Variants in SESN2 observed in about 807,000 individuals in gnomAD.
SESN2 encodes the protein sestrin-2.
In SESN2, 42 loss-of-function variants were observed where a neutral mutation model predicts 56.0. The observed-to-expected ratio is 0.75, with a 90% CI of 0.59 to 0.97. The LOEUF (loss-of-function observed/expected upper bound fraction) is 0.97. SESN2 is among the 50% of genes least tolerant of loss of function. SESN2 has a pLI of 0.00. For synonymous variants in SESN2, 264 were observed against 267.1 expected, an observed-to-expected ratio of 0.99 and a Z score of 0.11; for missense variants, 507 against 649.4, an observed-to-expected ratio of 0.78 and a Z score of 2.38.
chr1:28,259,979 G>A, intron 1 of SESN2, 42 bp downstream of exon 1: 1 of 1,417,466 alleles, frequency 7.1e-7, no homozygotes, highest in Admixed American at 2.2e-5. Flanking sequence ...CTGGAACCCC[G>A]AACCGCGTCT....
Position 28,274,878 on chromosome 1 carries a change from G to C in SESN2, c.1074G>C (p.Glu358Asp), listed in dbSNP as rs759691550. The change falls in exon 8 of 10, where the codon GAG becomes GAC. Residue 358 changes from glutamate to aspartate, a missense_variant. Transcript: ENST00000253063. ...CGCTGATCCAGCGGCTTTACCCTGA[G>C]GGTGGGCAGCTGCTGGATGAGAAGT... ...GYSLIQRLYPEGGQLLDEKFQ... is the reference protein window; with the variant it reads ...GYSLIQRLYPDGGQLLDEKFQ... 4.3e-6 allele frequency: 7 copies of C among 1,614,192 alleles called. No homozygotes were observed. Among genetic ancestry groups the C allele is most frequent in the Non-Finnish European group, 5.9e-6 (7 of 1,179,996 alleles).
At position 28,259,720 on chromosome 1, in the gene SESN2, CGA is replaced by C; in HGVS notation, c.-123_-122del. On this transcript the variant is annotated 5_prime_UTR_variant, in exon 1 of 10. Transcript: ENST00000253063. ...CGGATTCCGGAGCGTTCTGGAGCCC[CGA>C]GAGACGCCCCGGGGTTCTAGAAGCT... 1 of 633,920 alleles carries C rather than the reference CGA, an allele frequency of 1.6e-6. No individual in the cohort carries two copies. The highest frequency in any genetic ancestry group is 2.5e-6 in the Non-Finnish European group (1 of 405,664). The allele number at this position is 633,920 out of a possible 1,614,324, so 39.3% of individuals were successfully genotyped here.
intron 8 of SESN2, among the ~76,000 whole-genome samples, 170 bp from the exon 9 acceptor site, chr1:28,278,927 T>C (rs1346019107): frequency 6.6e-6 from 1 of 152,232 alleles, no homozygotes; most frequent in Non-Finnish European, 1.5e-5. Context: ...TGTGGCGGCC[T>C]GTGATAACAC....
At chr1:28,264,423 C>G (rs918085483) in intron 1 of SESN2, among the ~76,000 whole-genome samples, 1 of 152,168 alleles carries the variant, frequency 6.6e-6, no homozygotes, top group African/African-American at 2.4e-5. Context: ...TGAATGACCA[C>G]CTAAAGGGTT....
At chr1:28,275,417 T>C (rs1025239155) in intron 8 of SESN2, among the ~76,000 whole-genome samples, 4 of 152,196 alleles carry the variant, frequency 2.6e-5, no homozygotes, top group Admixed American at 2.0e-4. Flanking sequence ...TAGGGGACTT[T>C]AAATAATGAT....
intron 3 of SESN2, 44 bp from the exon 4 acceptor site, chr1:28,272,240 C>T (rs1647804455): frequency 1.9e-6 from 3 of 1,601,432 alleles, no homozygotes; most frequent in Non-Finnish European, 2.6e-6. Flanking sequence ...GAGCCAGGCA[C>T]AAAAGGAGGA....
rs533244316 is a variant in SESN2 at position 28,279,940 on chromosome 1, A to G, written c.1356+699A>G. Among the ~76,000 whole-genome samples, 6 of 151,792 alleles carry G rather than the reference A, an allele frequency of 4.0e-5. No homozygotes were observed. In the East Asian group the frequency reaches 5.8e-4, roughly 15 times the overall value. On this transcript the variant is annotated intron_variant, in intron 9 of 9. Transcript: ENST00000253063. ...GTGATTTCGGCTCGCTGCAGCCTCC[A>G]CTTCCTAGGCTCAAGTGTCCTCCCA...
intron 2 of SESN2, 90 bp downstream of exon 2, chr1:28,269,338 T>C: frequency 1.2e-6 from 1 of 830,866 alleles, no homozygotes. Flanking sequence ...GTTCTTTAAA[T>C]TGCAGCTTTT....
At chr1:28,277,125 T>C (rs1648080114) in intron 8 of SESN2, among the ~76,000 whole-genome samples, 1 of 151,422 alleles carries the variant, frequency 6.6e-6, no homozygotes, top group South Asian at 2.1e-4. Context: ...GCCAGGATGG[T>C]CTTGATCTCC....
rs1239267695 is a variant in SESN2, at chr1:28,281,275, C to G, written c.*473C>G. On this transcript the variant is annotated 3_prime_UTR_variant, in exon 10 of 10. Coordinates refer to ENST00000253063, the MANE Select transcript of SESN2 (RefSeq NM_031459.5). ...TACCTCCTACTTGCCATTCACCCAT[C>G]AATGTGAAAGTCAGGGTCACAGCTG... 1 of 156,838 alleles carries G rather than the reference C, an allele frequency of 6.4e-6. No homozygotes were observed. The highest frequency in any genetic ancestry group is 6.3e-5 in the Admixed American group (1 of 15,868). 9.7% of individuals were successfully genotyped at this position (156,838 alleles called of 1,614,324 possible).
At chr1:28,275,712 A>AC (rs1313589276) in intron 8 of SESN2, among the ~76,000 whole-genome samples, 1 of 151,514 alleles carries the variant, frequency 6.6e-6, no homozygotes, top group African/African-American at 2.4e-5. Context: ...GGATCGTGCC[A>AC]CTGCACTCCA....
chr1:28,260,336 C>T (rs1160009855), intron 1 of SESN2, among the ~76,000 whole-genome samples: 2 of 152,248 alleles, frequency 1.3e-5, no homozygotes, highest in Non-Finnish European at 2.9e-5. Flanking sequence ...CTCCTCCTCC[C>T]CGCCCCCTTC....
At chr1:28,273,232 C>T in intron 5 of SESN2, 126 bp from the exon 6 acceptor site, 1 of 869,228 alleles carries the variant, frequency 1.2e-6, no homozygotes, top group Non-Finnish European at 1.7e-6. Context: ...AGCACAGTGG[C>T]TGGCACAGAG....
At chr1:28,278,900 A>C (rs1158833069) in intron 8 of SESN2, among the ~76,000 whole-genome samples, 197 bp from the exon 9 acceptor site, 1 of 152,218 alleles carries the variant, frequency 6.6e-6, no homozygotes, top group Non-Finnish European at 1.5e-5. Flanking sequence ...GCATTCCTTG[A>C]CGTGGTCCCC....
intron 2 of SESN2, among the ~76,000 whole-genome samples, chr1:28,270,616 G>A (rs1647735123): frequency 6.6e-6 from 1 of 151,588 alleles, no homozygotes; most frequent in Non-Finnish European, 1.5e-5. Flanking sequence ...TTGTTGCCCA[G>A]GCTGGAGTGC....
At chr1:28,265,210 G>C (rs1647515287) in intron 1 of SESN2, among the ~76,000 whole-genome samples, 1 of 152,212 alleles carries the variant, frequency 6.6e-6, no homozygotes, top group African/African-American at 2.4e-5. Flanking sequence ...AATTGGGCAG[G>C]GAGGGCTGAC....
In SESN2 at chr1:28,282,126, T is replaced by C. The variant is rs1648269225; in HGVS notation, c.*1324T>C. 6.6e-6 allele frequency: 1 copy of C among 152,300 alleles called. No homozygotes were observed. Among genetic ancestry groups the C allele is most frequent in the African/African-American group, 2.4e-5 (1 of 41,476 alleles). The allele number at this position is 152,300 out of a possible 1,614,324, so 9.4% of individuals were successfully genotyped here. A position where few individuals can be genotyped will look rare whatever the true frequency, so the allele number is the denominator to read the frequency against. ...AATGACTGTGAATTACGACTTCTCT[T>C]GCCCTTCTTCTAGCAGTCTGTGCCT... On this transcript the variant is annotated 3_prime_UTR_variant, in exon 10 of 10. Transcript: ENST00000253063.
intron 8 of SESN2, among the ~76,000 whole-genome samples, chr1:28,278,786 A>G (rs976281534): frequency 6.6e-6 from 1 of 152,246 alleles, no homozygotes; most frequent in Non-Finnish European, 1.5e-5. Context: ...TGATGAATGT[A>G]GCAGATTGCA....
At chr1:28,268,154 G>A (rs1463797860) in intron 1 of SESN2, among the ~76,000 whole-genome samples, 3 of 152,160 alleles carry the variant, frequency 2.0e-5, no homozygotes, top group African/African-American at 7.2e-5. Flanking sequence ...AGGATGGATA[G>A]GAGAGGCCAG....
Sources: allele counts gnomAD v4.1 joint callset (sites outside exome capture counted in the v4.1 genomes callset), GRCh38; gene constraint gnomAD v4.1.1; transcripts MANE v1.5; gene names NCBI Gene and HGNC (gene_info 2026-07-23, HGNC 2026-07-21).